DSCAML1: variants seen among roughly 807,000 people sequenced by gnomAD.
The protein encoded by DSCAML1 is cell adhesion molecule DSCAML1.
In DSCAML1, 38 loss-of-function variants were observed where a neutral mutation model predicts 200.5. That is an observed-to-expected ratio of 0.19 (90% CI 0.15 to 0.25). The LOEUF is 0.25. Among genes scored for constraint, DSCAML1 ranks in the 10% least tolerant of loss-of-function variants. The pLI is 1.00. For synonymous variants in DSCAML1, 1,215 were observed against 1,165.0 expected, an observed-to-expected ratio of 1.04 and a Z score of -0.87; for missense variants, 2,223 against 2,858.8, an observed-to-expected ratio of 0.78 and a Z score of 5.07.
At chr11:117,493,856 G>C (rs550876477) in intron 11 of DSCAML1, among the ~76,000 whole-genome samples, 7 of 152,148 alleles carry the variant, frequency 4.6e-5, no homozygotes, top group Non-Finnish European at 1.0e-4. Flanking sequence ...TTGAACTCCT[G>C]GGCTCAAGCA....
At chr11:117,765,335 G>A (rs1012918455) in intron 3 of DSCAML1, among the ~76,000 whole-genome samples, 11 of 152,210 alleles carry the variant, frequency 7.2e-5, no homozygotes, top group Admixed American at 5.9e-4. Context: ...AGCCAAGAGC[G>A]TAATGGGAGG....
intron 3 of DSCAML1, among the ~76,000 whole-genome samples, chr11:117,610,185 A>C (rs1184900917): frequency 1.3e-5 from 2 of 152,158 alleles, no homozygotes; most frequent in Non-Finnish European, 2.9e-5. Flanking sequence ...GTTTATGTAC[A>C]TTCTTAATGC....
At chr11:117,589,829 T>C (rs1237794550) in intron 3 of DSCAML1, among the ~76,000 whole-genome samples, 1 of 152,184 alleles carries the variant, frequency 6.6e-6, no homozygotes, top group East Asian at 1.9e-4. Flanking sequence ...TGAGGTGCGG[T>C]AGGCAAGGTG....
chr11:117,756,693 T>C (rs2054700098), intron 3 of DSCAML1, among the ~76,000 whole-genome samples: 1 of 151,810 alleles, frequency 6.6e-6, no homozygotes. Flanking sequence ...AAGCCAGTGA[T>C]CAGAAAGAGC....
At chr11:117,755,394 C>T (rs188072682) in intron 3 of DSCAML1, among the ~76,000 whole-genome samples, 153 of 152,258 alleles carry the variant, frequency 1.0e-3, no homozygotes, top group Admixed American at 2.5e-3. Flanking sequence ...AAAGAGATAA[C>T]GCTTGTGAAA....
chr11:117,718,105 C>T (rs912959742), intron 3 of DSCAML1, among the ~76,000 whole-genome samples: 2 of 152,238 alleles, frequency 1.3e-5, no homozygotes, highest in African/African-American at 2.4e-5. Flanking sequence ...CCGTGGCAGG[C>T]GGAGCAGCAT....
At chr11:117,764,679 C>A (rs1439093431) in intron 3 of DSCAML1, among the ~76,000 whole-genome samples, 1 of 152,230 alleles carries the variant, frequency 6.6e-6, no homozygotes, top group African/African-American at 2.4e-5. Flanking sequence ...GGTTTTGTGT[C>A]CCTTCCTGGG....
At chr11:117,566,931 G>C (rs940863929) in intron 3 of DSCAML1, among the ~76,000 whole-genome samples, 1 of 151,834 alleles carries the variant, frequency 6.6e-6, no homozygotes, top group Admixed American at 6.6e-5. Context: ...CGGCTGCACA[G>C]TATTCCATGG....
chr11:117,485,756 G>A (rs1267835827), intron 11 of DSCAML1, among the ~76,000 whole-genome samples: 2 of 152,204 alleles, frequency 1.3e-5, no homozygotes, highest in South Asian at 4.1e-4. Context: ...GTCTTTTTGG[G>A]TAGAGGAAAA....
chr11:117,725,633 A>C (rs2054113856), intron 3 of DSCAML1, among the ~76,000 whole-genome samples: 1 of 151,524 alleles, frequency 6.6e-6, no homozygotes, highest in East Asian at 2.0e-4. Context: ...GCCCAAAAGT[A>C]CACCCCTCTT....
chr11:117,497,507 G>C (rs539120643), intron 11 of DSCAML1, among the ~76,000 whole-genome samples: 21 of 152,374 alleles, frequency 1.4e-4, no homozygotes, highest in African/African-American at 4.8e-4. Flanking sequence ...GATGAAGCAG[G>C]AGTCAGAGTG....
chr11:117,772,521 C>T (rs2055057844), intron 3 of DSCAML1, among the ~76,000 whole-genome samples: 1 of 152,150 alleles, frequency 6.6e-6, no homozygotes, highest in African/African-American at 2.4e-5. Flanking sequence ...ACATCTGGCC[C>T]ACATCTGAGC....
rs1334348083 is a variant in DSCAML1, at chr11:117,464,491, G to A, written c.3265+451C>T. Among the ~76,000 whole-genome samples the A allele has an allele frequency of 5.3e-5, 8 of 152,248 alleles. No individual in the cohort carries two copies. In the East Asian group the frequency reaches 1.5e-3, roughly 29 times the overall value. Reference sequence around the variant, plus strand: ...TTAAAAATCCTCTAAATCCTCTGCCGCATGCACGTTAGGATTTCTTAACTC... The same window carrying A: ...TTAAAAATCCTCTAAATCCTCTGCCACATGCACGTTAGGATTTCTTAACTC... On this transcript the variant is annotated intron_variant, in intron 17 of 32. Coordinates refer to ENST00000651296, the MANE Select transcript of DSCAML1 (RefSeq NM_020693.4).
chr11:117,518,291 T>C lies in DSCAML1; in HGVS notation c.1510+175A>G. 3.8e-6 allele frequency: 3 copies of C among 793,610 alleles called. No individual in the cohort carries two copies. The highest frequency in any genetic ancestry group is 6.2e-6 in the Non-Finnish European group (3 of 485,330). 49.2% of individuals were successfully genotyped at this position (793,610 alleles called of 1,614,324 possible). On this transcript the variant is annotated intron_variant, in intron 7 of 32. Transcript: ENST00000651296. The surrounding 1 kb of genome is among the most constrained non-coding windows in gnomAD (Gnocchi z 6.3). The stretch of plus-strand genomic sequence containing the variant: ...CCAGACACACACACGCACACAAGAA[T>C]GGATGATGGCGCTTGAGGAGGGCAG...
intron 3 of DSCAML1, among the ~76,000 whole-genome samples, chr11:117,732,570 C>T (rs566050932): frequency 1.3e-5 from 2 of 152,116 alleles, no homozygotes; most frequent in South Asian, 4.1e-4. Flanking sequence ...GAGGTCCGAC[C>T]GGGGAACCTC....
intron 1 of DSCAML1, among the ~76,000 whole-genome samples, chr11:117,813,761 A>G (rs12275489): frequency 0.13 from 19,505 of 152,008 alleles, 1,342 homozygotes; most frequent in African/African-American, 0.17. Context: ...TTCCCACGCC[A>G]CCCCTAATCC....
intron 3 of DSCAML1, among the ~76,000 whole-genome samples, chr11:117,715,614 C>T (rs938333303): frequency 6.6e-6 from 1 of 152,112 alleles, no homozygotes; most frequent in African/African-American, 2.4e-5. Flanking sequence ...TCCCCTGTGC[C>T]TGGCACAGGG....
At position 117,632,557 on chromosome 11, in the gene DSCAML1, T is replaced by C. The variant is rs560886339; in HGVS notation, c.512-100035A>G. 5.3e-5 allele frequency among the ~76,000 whole-genome samples: 8 copies of C among 152,340 alleles called. No homozygotes were observed. The East Asian group carries it at 1.5e-3, about 29-fold the overall frequency. On this transcript the variant is annotated intron_variant, in intron 3 of 32. Transcript: ENST00000651296. ...AAAAGGGATTGCTCCTGGGAGCCGATATGCCACCAGCCAATGTGGTCAAAA... is the reference window on the plus strand; with the variant it reads ...AAAAGGGATTGCTCCTGGGAGCCGACATGCCACCAGCCAATGTGGTCAAAA...
At chr11:117,796,388 C>T (rs2055575426) in intron 1 of DSCAML1, among the ~76,000 whole-genome samples, 1 of 152,244 alleles carries the variant, frequency 6.6e-6, no homozygotes, top group African/African-American at 2.4e-5. Flanking sequence ...GGGGCTAAAG[C>T]CGGGGCAGAG....
Sources: allele counts gnomAD v4.1 joint callset (sites outside exome capture counted in the v4.1 genomes callset), GRCh38; gene constraint gnomAD v4.1.1; non-coding constraint Gnocchi (gnomAD v3.1); transcripts MANE v1.5; gene names NCBI Gene and HGNC (gene_info 2026-07-23, HGNC 2026-07-21).